The following SNTB2 variants were observed in gnomAD, a reference collection of about 807,000 sequenced individuals.
SNTB2 encodes the protein syntrophin beta 2, also known as beta-2-syntrophin.
SNTB2 carries 34 observed loss-of-function variants against 46.2 expected under a neutral mutation model. The ratio of observed to expected loss-of-function variants is 0.74; its 90% CI spans 0.56 to 0.98. The LOEUF is 0.98. Ranked by LOEUF, SNTB2 falls within the 50% of genes least tolerant of loss-of-function variation. The probability of loss-of-function intolerance (pLI) is 0.00; values close to 1 mark genes in which losing one functional copy is unlikely to be tolerated. For missense variants in SNTB2, 603 were observed against 731.4 expected (o/e 0.82, Z 2.02); for synonymous variants, 290 against 312.6 (o/e 0.93, Z 0.76).
chr16:69,278,530 A>G (rs1271034343), intron 4 of SNTB2, among the ~76,000 whole-genome samples: 1 of 146,278 alleles, frequency 6.8e-6, no homozygotes, highest in African/African-American at 2.6e-5. Flanking sequence ...ATCTCTGCTC[A>G]CCGCAACCTC....
At chr16:69,261,040 C>G (rs930059140) in intron 3 of SNTB2, among the ~76,000 whole-genome samples, 3 of 151,862 alleles carry the variant, frequency 2.0e-5, no homozygotes, top group Non-Finnish European at 4.4e-5. Context: ...ATCAACTAGG[C>G]TAGAGGGGCT....
chr16:69,264,821 T>G (rs962430073), intron 3 of SNTB2, among the ~76,000 whole-genome samples: 1 of 151,412 alleles, frequency 6.6e-6, no homozygotes, highest in Admixed American at 6.6e-5. Context: ...AAGCCAAAAC[T>G]GAGAAAGAAG....
intron 4 of SNTB2, among the ~76,000 whole-genome samples, chr16:69,278,889 AGT>A (rs71148981): frequency 0.063 from 8,879 of 140,848 alleles, 275 homozygotes; most frequent in East Asian, 0.12. Flanking sequence ...AGGTGGGAAG[AGT>A]GTGTGTGTGT....
chr16:69,258,999 G>C (rs1964806636), intron 2 of SNTB2, among the ~76,000 whole-genome samples: 1 of 151,998 alleles, frequency 6.6e-6, no homozygotes, highest in Non-Finnish European at 1.5e-5. Flanking sequence ...CTTTATACCA[G>C]AATTTCCTAA....
At chr16:69,283,946 C>A in intron 4 of SNTB2, 102 bp from the exon 5 acceptor site, 3 of 1,080,756 alleles carry the variant, frequency 2.8e-6, no homozygotes, top group Non-Finnish European at 4.0e-6. Context: ...CCAAAAACTG[C>A]TGATTGCTTT....
At chr16:69,262,931 C>T (rs1964848960) in intron 3 of SNTB2, among the ~76,000 whole-genome samples, 2 of 152,268 alleles carry the variant, frequency 1.3e-5, no homozygotes, top group South Asian at 4.1e-4. Flanking sequence ...CCGCCTCAGC[C>T]TCCCAAAGTG....
Position 69,245,699 on chromosome 16 carries a change from T to C in SNTB2, c.678T>C (p.Ser226=). 1 of 1,614,122 alleles carries C rather than the reference T, an allele frequency of 6.2e-7. No individual in the cohort carries two copies. The highest frequency in any genetic ancestry group is 8.5e-7 in the Non-Finnish European group (1 of 1,180,022). The change falls in exon 2 of 7, where the codon AGT becomes AGC. Residue 226 remains serine (S), a synonymous_variant. Coordinates refer to ENST00000336278, the MANE Select transcript of SNTB2 (RefSeq NM_006750.4). ...CAGCCCCCCAGTCACCAAGCTTTAG[T>C]GGCAGTGAGGACTCTGGTTCGCCAA... The part of the protein sequence containing the change: ...EGAAPQSPSF[S]GSEDSGSPKH...
At chr16:69,292,397 T>TATATAAA (rs1965175383) in intron 5 of SNTB2, among the ~76,000 whole-genome samples, 3 of 28,448 alleles carry the variant, frequency 1.1e-4, no homozygotes, top group African/African-American at 7.1e-4. Flanking sequence ...ATATTATATA[T>TATATAAA]ATATATATAT....
chr16:69,275,197 C>T (rs866166043), intron 4 of SNTB2, among the ~76,000 whole-genome samples: 1 of 152,088 alleles, frequency 6.6e-6, no homozygotes, highest in South Asian at 2.1e-4. Context: ...CTCAGCTTCT[C>T]GAGTAGCTAG....
At position 69,302,891 on chromosome 16, in the gene SNTB2, T is replaced by C. The variant is rs1054805356; in HGVS notation, c.*1967T>C. 1.3e-5 allele frequency: 2 copies of C among 152,274 alleles called. No individual in the cohort carries two copies. Among genetic ancestry groups the C allele is most frequent in the African/African-American group, 4.8e-5 (2 of 41,466 alleles). 9.4% of individuals were successfully genotyped at this position (152,274 alleles called of 1,614,324 possible). A position where few individuals can be genotyped will look rare whatever the true frequency, so the allele number is the denominator to read the frequency against. On this transcript the variant is annotated 3_prime_UTR_variant, in exon 7 of 7. Coordinates refer to ENST00000336278, the MANE Select transcript of SNTB2 (RefSeq NM_006750.4). ...TCTGAGATAAATTTTCTTTTCTTTT[T>C]TTTTTTGAGACGGAGTCTCGTTCTG...
intron 1 of SNTB2, among the ~76,000 whole-genome samples, chr16:69,240,164 T>A (rs1298858348): frequency 1.3e-5 from 2 of 152,190 alleles, no homozygotes; most frequent in Non-Finnish European, 2.9e-5. Context: ...ACATTATTAT[T>A]TTTTGCATAT....
intron 1 of SNTB2, among the ~76,000 whole-genome samples, chr16:69,197,142 A>G (rs574286961): frequency 6.6e-6 from 1 of 152,326 alleles, no homozygotes; most frequent in East Asian, 1.9e-4. Flanking sequence ...TACTTTTAAG[A>G]AGTACCCAAA....
At position 69,298,512 on chromosome 16, in the gene SNTB2, C is replaced by CTTTT. The variant is rs34908270; in HGVS notation, c.1346-1055_1346-1052dup. ...CCCTGCCTGTCCAGTTTTACCAATT[C>CTTTT]TTTTTTTTTTTTTTTTTTTTTTTTT... On this transcript the variant is annotated intron_variant, in intron 5 of 6. Coordinates refer to ENST00000336278, the MANE Select transcript of SNTB2 (RefSeq NM_006750.4). Among the ~76,000 whole-genome samples the CTTTT allele has an allele frequency of 8.2e-4, 64 of 78,130 alleles. 8 individuals are homozygous for CTTTT. Among genetic ancestry groups the CTTTT allele is most frequent in the African/African-American group, 1.6e-3 (31 of 19,132 alleles). The allele number at this position is 78,130 out of a possible 152,430, so 51.3% of individuals were successfully genotyped here.
intron 1 of SNTB2, among the ~76,000 whole-genome samples, chr16:69,237,317 A>G (rs935378363): frequency 6.6e-6 from 1 of 152,216 alleles, no homozygotes; most frequent in Non-Finnish European, 1.5e-5. Context: ...GCATTGCCAT[A>G]CATATTGGAA....
chr16:69,200,986 C>T (rs971464802), intron 1 of SNTB2, among the ~76,000 whole-genome samples: 4 of 152,148 alleles, frequency 2.6e-5, no homozygotes, highest in African/African-American at 9.7e-5. Context: ...TTGCTGCAGC[C>T]AATTCGTTTA....
intron 3 of SNTB2, among the ~76,000 whole-genome samples, chr16:69,263,108 C>T (rs1053170218): frequency 2.8e-5 from 4 of 141,930 alleles, no homozygotes; most frequent in Non-Finnish European, 6.2e-5. Context: ...TTCCACTCTA[C>T]TTTTTTTTTT....
intron 3 of SNTB2, among the ~76,000 whole-genome samples, chr16:69,268,717 T>C (rs542355878): frequency 6.6e-6 from 1 of 151,426 alleles, no homozygotes; most frequent in East Asian, 2.0e-4. Flanking sequence ...TACAAAAAAT[T>C]AGCTGGGCGT....
At chr16:69,223,925 C>T (rs1227461216) in intron 1 of SNTB2, among the ~76,000 whole-genome samples, 1 of 152,212 alleles carries the variant, frequency 6.6e-6, no homozygotes, top group East Asian at 1.9e-4. Flanking sequence ...CCACCACACC[C>T]GGCCGACAGT....
At chr16:69,279,869 ATTTATTTAT>A (rs961778689) in intron 4 of SNTB2, among the ~76,000 whole-genome samples, 4 of 149,408 alleles carry the variant, frequency 2.7e-5, no homozygotes, top group African/African-American at 9.9e-5. Flanking sequence ...TAATTAATTA[ATTTATTTAT>A]TTATTGATCA....
Sources: allele counts gnomAD v4.1 joint callset (sites outside exome capture counted in the v4.1 genomes callset), GRCh38; gene constraint gnomAD v4.1.1; transcripts MANE v1.5; gene names NCBI Gene and HGNC (gene_info 2026-07-23, HGNC 2026-07-21).